Variants in KDM4C observed in about 807,000 individuals in gnomAD.
KDM4C encodes the protein lysine demethylase 4C.
A neutral mutation model predicts 129.3 loss-of-function variants in KDM4C; 81 were observed. That is an observed-to-expected ratio of 0.63 (90% CI 0.52 to 0.75). KDM4C has a LOEUF of 0.75. KDM4C is among the 30% of genes least tolerant of loss of function. KDM4C has a pLI of 0.00. For synonymous variants in KDM4C, 573 were observed against 456.1 expected, an observed-to-expected ratio of 1.26 and a Z score of -3.26; for missense variants, 1,457 against 1,304.0, an observed-to-expected ratio of 1.12 and a Z score of -1.81.
chr9:7,068,573 C>T (rs888909300), intron 17 of KDM4C, among the ~76,000 whole-genome samples: 7 of 152,040 alleles, frequency 4.6e-5, no homozygotes, highest in Admixed American at 2.6e-4. Context: ...AAACTTTGTC[C>T]CTGATTTTCC....
intron 19 of KDM4C, among the ~76,000 whole-genome samples, chr9:7,130,267 A>C (rs1194829881): frequency 1.3e-5 from 2 of 152,240 alleles, no homozygotes; most frequent in African/African-American, 4.8e-5. Flanking sequence ...TAAAACAGTG[A>C]GGTCTTTAGC....
chr9:6,726,089 G>C (rs1817119064), intron 1 of KDM4C, among the ~76,000 whole-genome samples: 2 of 152,034 alleles, frequency 1.3e-5, no homozygotes, highest in African/African-American at 2.4e-5. Flanking sequence ...ACCACACCTA[G>C]CTAATTTTTT....
chr9:7,000,689 A>G (rs933406841), intron 12 of KDM4C, among the ~76,000 whole-genome samples: 1 of 152,158 alleles, frequency 6.6e-6, no homozygotes, highest in Non-Finnish European at 1.5e-5. Flanking sequence ...GAAAACTGCA[A>G]TTTCATACAA....
intron 19 of KDM4C, among the ~76,000 whole-genome samples, chr9:7,143,834 C>G (rs1045384565): frequency 6.6e-6 from 1 of 152,184 alleles, no homozygotes; most frequent in Non-Finnish European, 1.5e-5. Flanking sequence ...AGAGTAGTCT[C>G]TGTTGAAATG....
intron 8 of KDM4C, among the ~76,000 whole-genome samples, chr9:6,951,257 A>G (rs1351629499): frequency 6.6e-6 from 1 of 152,212 alleles, no homozygotes; most frequent in Non-Finnish European, 1.5e-5. Flanking sequence ...GGTATGGAAC[A>G]CTAGAACTTA....
intron 8 of KDM4C, among the ~76,000 whole-genome samples, chr9:6,980,454 A>T (rs1197344221): frequency 6.6e-6 from 1 of 152,180 alleles, no homozygotes; most frequent in Non-Finnish European, 1.5e-5. Context: ...AGAGTTCGTT[A>T]ATAACCATAA....
At chr9:7,014,278 C>T (rs1395840496) in intron 14 of KDM4C, 2 of 315,746 alleles carry the variant, frequency 6.3e-6, no homozygotes, top group Non-Finnish European at 1.2e-5. Flanking sequence ...GGGTTCCTTT[C>T]ACATGTTTGG....
intron 4 of KDM4C, among the ~76,000 whole-genome samples, chr9:6,837,116 G>C (rs1449701900): frequency 2.0e-5 from 3 of 152,110 alleles, no homozygotes; most frequent in East Asian, 3.9e-4. Context: ...GGAGTGCAGT[G>C]GTACGATCTT....
chr9:7,074,733 A>C (rs978054938), intron 17 of KDM4C, among the ~76,000 whole-genome samples: 1 of 152,186 alleles, frequency 6.6e-6, no homozygotes, highest in Non-Finnish European at 1.5e-5. Context: ...AAAGGACTAG[A>C]TCATTGAATT....
At chr9:6,931,760 C>T (rs1823785265) in intron 8 of KDM4C, among the ~76,000 whole-genome samples, 1 of 152,152 alleles carries the variant, frequency 6.6e-6, no homozygotes. Flanking sequence ...CTTAGTCTCC[C>T]AAAGTGTTGG....
intron 17 of KDM4C, among the ~76,000 whole-genome samples, chr9:7,053,589 A>G (rs973221788): frequency 5.3e-5 from 8 of 152,102 alleles, no homozygotes; most frequent in Non-Finnish European, 1.0e-4. Context: ...CATTAGACTT[A>G]TTTTCAAGAC....
intron 18 of KDM4C, among the ~76,000 whole-genome samples, chr9:7,118,168 A>G (rs574068913): frequency 2.7e-4 from 41 of 152,318 alleles, no homozygotes; most frequent in Non-Finnish European, 4.7e-4. Flanking sequence ...TTGTGCTTCT[A>G]CAGACATTAA....
intron 8 of KDM4C, among the ~76,000 whole-genome samples, chr9:6,980,335 C>A (rs1816548445): frequency 1.3e-5 from 2 of 151,998 alleles, no homozygotes; most frequent in African/African-American, 4.8e-5. Flanking sequence ...TACCCCATGT[C>A]TTCATTTTAG....
intron 12 of KDM4C, among the ~76,000 whole-genome samples, chr9:7,000,964 T>G (rs1586823535): frequency 6.6e-6 from 1 of 152,238 alleles, no homozygotes; most frequent in Admixed American, 6.5e-5. Flanking sequence ...CAATGAAAAC[T>G]TAGTCCTGGC....
intron 13 of KDM4C, 101 bp from the exon 14 acceptor site, chr9:7,013,683 AAGTT>A: frequency 9.4e-7 from 1 of 1,061,158 alleles, no homozygotes; most frequent in Non-Finnish European, 1.4e-6. Context: ...GGAAGAACAA[AAGTT>A]AGAAGTTAGT....
At chr9:6,812,920 A>G (rs1831423037) in intron 3 of KDM4C, among the ~76,000 whole-genome samples, 4 of 152,196 alleles carry the variant, frequency 2.6e-5, no homozygotes, top group Admixed American at 2.6e-4. Flanking sequence ...TCTCGCCTGT[A>G]AATCCCAGGA....
intron 17 of KDM4C, chr9:7,076,495 C>G: frequency 6.5e-7 from 1 of 1,549,484 alleles, no homozygotes; most frequent in Middle Eastern, 1.7e-4. Context: ...TGAAGGCTCA[C>G]TGTGAAAACA....
In KDM4C at chr9:6,984,096, T is replaced by G. The variant is rs1037087988; in HGVS notation, c.1116-70T>G. 5 of 926,612 alleles carry G rather than the reference T, an allele frequency of 5.4e-6. No individual in the cohort carries two copies. The African/African-American group carries it at 8.2e-5, about 15-fold the overall frequency. The allele number at this position is 926,612 out of a possible 1,614,324, so 57.4% of individuals were successfully genotyped here. ...TTCTTTAAGCAAGTGAAAATGACAT[T>G]TATATTGGGATGTGTTTTTCATATC... On this transcript the variant is annotated intron_variant, in intron 9 of 21. Coordinates refer to ENST00000381309, the MANE Select transcript of KDM4C (RefSeq NM_015061.6).
chr9:6,743,133 T>C (rs766747639), intron 1 of KDM4C, among the ~76,000 whole-genome samples: 1 of 152,116 alleles, frequency 6.6e-6, no homozygotes, highest in Non-Finnish European at 1.5e-5. Flanking sequence ...ATTACTAATA[T>C]GAAAATAATA....
Sources: gnomAD v4.1 joint callset for allele counts (sites outside exome capture counted in the v4.1 genomes callset) on GRCh38, gnomAD v4.1.1 for gene constraint, MANE v1.5 for transcripts, NCBI Gene and HGNC (gene_info 2026-07-23, HGNC 2026-07-21) for gene names.